GPC5: variants seen among roughly 807,000 people sequenced by gnomAD.
GPC5 encodes glypican 5.
Under a neutral mutation model 53.9 loss-of-function variants are expected in GPC5, and 47 were observed. The observed-to-expected ratio is 0.87, with a 90% confidence interval of 0.69 to 1.11. The LOEUF (loss-of-function observed/expected upper bound fraction) is 1.11. Ranked by LOEUF, GPC5 falls within the 50% of genes most tolerant of loss-of-function variation. The probability of loss-of-function intolerance (pLI) is 0.00; values close to 1 mark genes in which losing one functional copy is unlikely to be tolerated. For missense variants in GPC5, 748 were observed against 713.1 expected, an observed-to-expected ratio of 1.05 and a Z score of -0.56; for synonymous variants, 286 against 263.3, an observed-to-expected ratio of 1.09 and a Z score of -0.84.
chr13:92,814,528 G>T (rs140832917), intron 7 of GPC5, among the ~76,000 whole-genome samples: 1 of 151,798 alleles, frequency 6.6e-6, no homozygotes, highest in South Asian at 2.1e-4. Flanking sequence ...GGGCATGGTG[G>T]CAGAAGCTAG....
chr13:92,503,038 C>T (rs1241201399), intron 7 of GPC5, among the ~76,000 whole-genome samples: 1 of 151,892 alleles, frequency 6.6e-6, no homozygotes, highest in East Asian at 1.9e-4. Context: ...AGGAACACCT[C>T]CAGATATTTG....
At chr13:92,014,490 T>G (rs570891373) in intron 6 of GPC5, among the ~76,000 whole-genome samples, 1 of 152,302 alleles carries the variant, frequency 6.6e-6, no homozygotes, top group East Asian at 1.9e-4. Context: ...AAGGGCAAGC[T>G]TTGACAATGA....
intron 2 of GPC5, among the ~76,000 whole-genome samples, chr13:91,688,699 A>G (rs2035675444): frequency 6.6e-6 from 1 of 152,174 alleles, no homozygotes; most frequent in Non-Finnish European, 1.5e-5. Flanking sequence ...ATAACAGACT[A>G]TACTTACACA....
At chr13:92,428,409 C>T (rs540340533) in intron 7 of GPC5, among the ~76,000 whole-genome samples, 36 of 152,210 alleles carry the variant, frequency 2.4e-4, no homozygotes, top group Non-Finnish European at 2.4e-4. Flanking sequence ...TTATAGTATC[C>T]ACCCATAAAT....
At chr13:92,109,060 G>GTT (rs2041533903) in intron 6 of GPC5, among the ~76,000 whole-genome samples, 2 of 121,124 alleles carry the variant, frequency 1.7e-5, no homozygotes, top group Non-Finnish European at 3.5e-5. Flanking sequence ...TCAATATGTT[G>GTT]GTTTTTTTTT....
chr13:91,574,754 A>C (rs933240221), intron 2 of GPC5, among the ~76,000 whole-genome samples: 4 of 152,120 alleles, frequency 2.6e-5, no homozygotes, highest in Non-Finnish European at 5.9e-5. Context: ...AATTACCTAT[A>C]CATGAAGATT....
chr13:91,609,663 C>T (rs2033487864), intron 2 of GPC5, among the ~76,000 whole-genome samples: 1 of 152,204 alleles, frequency 6.6e-6, no homozygotes. Context: ...AGGCCATCCC[C>T]CAAGGCTCAG....
intron 7 of GPC5, among the ~76,000 whole-genome samples, chr13:92,337,376 G>A (rs2043332297): frequency 6.6e-6 from 1 of 152,046 alleles, no homozygotes; most frequent in Non-Finnish European, 1.5e-5. Context: ...TTCACAACTG[G>A]ATCGATTCAG....
Position 91,747,641 on chromosome 13 carries a change from G to T in GPC5, c.1155-8654G>T, listed in dbSNP as rs1461855895. Among the ~76,000 whole-genome samples the T allele has an allele frequency of 4.0e-4, 60 of 149,408 alleles. No individual in the cohort carries two copies. In the Middle Eastern group the frequency reaches 0.01, roughly 26 times the overall value. On this transcript the variant is annotated intron_variant, in intron 4 of 7. Transcript: ENST00000377067. ...TTTTGTCATTGTAGCGATGTATCTG[G>T]TTTTTTTTTTTCTAATCTAACAATC...
chr13:92,109,310 G>A, intron 6 of GPC5, among the ~76,000 whole-genome samples: 1 of 151,894 alleles, frequency 6.6e-6, no homozygotes, highest in Non-Finnish European at 1.5e-5. Context: ...CAAGTCATCT[G>A]CCTACTTTGG....
chr13:91,457,273 T>C (rs888772773), intron 2 of GPC5, among the ~76,000 whole-genome samples: 4 of 152,096 alleles, frequency 2.6e-5, no homozygotes, highest in Non-Finnish European at 5.9e-5. Flanking sequence ...TTTTGAGGTC[T>C]TATGGTTTGT....
chr13:92,029,127 A>G (rs2040821928), intron 6 of GPC5, among the ~76,000 whole-genome samples: 1 of 152,168 alleles, frequency 6.6e-6, no homozygotes, highest in African/African-American at 2.4e-5. Flanking sequence ...TTACTAGCTC[A>G]GTATCACCGT....
chr13:92,841,574 A>T (rs1458583401), intron 7 of GPC5, among the ~76,000 whole-genome samples: 1 of 152,114 alleles, frequency 6.6e-6, no homozygotes, highest in Admixed American at 6.5e-5. Context: ...TTTTAAATAT[A>T]TCATAAGAGG....
intron 7 of GPC5, among the ~76,000 whole-genome samples, chr13:92,303,287 G>A (rs113301903): frequency 3.9e-5 from 6 of 152,202 alleles, no homozygotes; most frequent in African/African-American, 1.4e-4. Context: ...GGTCTAAAGG[G>A]TGCCTGAGTT....
intron 7 of GPC5, among the ~76,000 whole-genome samples, chr13:92,529,020 A>G (rs1881461993): frequency 6.6e-6 from 1 of 152,120 alleles, no homozygotes. Context: ...TTACATTGGA[A>G]AAAAAGATAA....
intron 7 of GPC5, among the ~76,000 whole-genome samples, chr13:92,387,647 TA>T (rs572792254): frequency 2.0e-5 from 3 of 152,122 alleles, no homozygotes; most frequent in Non-Finnish European, 4.4e-5. Flanking sequence ...GTTTCTAGAA[TA>T]AATTTGAATC....
chr13:92,719,647 A>G (rs1179441239), intron 7 of GPC5, among the ~76,000 whole-genome samples: 1 of 152,192 alleles, frequency 6.6e-6, no homozygotes, highest in East Asian at 1.9e-4. Context: ...AGAGTAAGAT[A>G]TTATAATCCC....
intron 2 of GPC5, among the ~76,000 whole-genome samples, chr13:91,578,007 G>T (rs568325675): frequency 6.6e-6 from 1 of 152,334 alleles, no homozygotes; most frequent in East Asian, 1.9e-4. Context: ...GAAAGATATT[G>T]TAGTTTCAGC....
At chr13:92,614,510 AC>A (rs1446770836) in intron 7 of GPC5, among the ~76,000 whole-genome samples, 2 of 152,328 alleles carry the variant, frequency 1.3e-5, no homozygotes, top group East Asian at 3.9e-4. Context: ...CCTAATTCAA[AC>A]CAGAGTAAGT....
Sources: gnomAD v4.1 joint callset for allele counts (sites outside exome capture counted in the v4.1 genomes callset) on GRCh38, gnomAD v4.1.1 for gene constraint, MANE v1.5 for transcripts, NCBI Gene and HGNC (gene_info 2026-07-23, HGNC 2026-07-21) for gene names.